The following GALNTL6 variants were observed in gnomAD, a reference collection of about 807,000 sequenced individuals.
GALNTL6 encodes polypeptide N-acetylgalactosaminyltransferase like 6, also known as polypeptide N-acetylgalactosaminyltransferase-like 6.
A neutral mutation model predicts 73.7 loss-of-function variants in GALNTL6; 46 were observed. The observed-to-expected ratio is 0.62, with a 90% CI of 0.49 to 0.80. The LOEUF is 0.80. GALNTL6 is among the 30% of genes least tolerant of loss of function. GALNTL6 has a pLI of 0.00. For missense variants in GALNTL6, 604 were observed against 755.0 expected (o/e 0.80, Z 2.34); for synonymous variants, 259 against 263.7 (o/e 0.98, Z 0.17).
At position 172,449,032 on chromosome 4, in the gene GALNTL6, G is replaced by A. The variant is rs879873442; in HGVS notation, c.553+100343G>A. On this transcript the variant is annotated intron_variant, in intron 5 of 12. Coordinates refer to ENST00000506823, the MANE Select transcript of GALNTL6 (RefSeq NM_001034845.3). Reference sequence around the variant, plus strand: ...AACTTTACCTTTTATGGAGAATATGGATACAAGCTGAAGGAAGCCACACTA... The same window carrying A: ...AACTTTACCTTTTATGGAGAATATGAATACAAGCTGAAGGAAGCCACACTA... Among the ~76,000 whole-genome samples, 38 of 152,130 alleles carry A rather than the reference G, an allele frequency of 2.5e-4. 1 individual carries two copies. The highest frequency in any genetic ancestry group is 4.9e-4 in the Non-Finnish European group (33 of 68,018).
intron 2 of GALNTL6, among the ~76,000 whole-genome samples, chr4:172,179,776 T>G (rs1321321267): frequency 6.6e-6 from 1 of 152,058 alleles, no homozygotes; most frequent in Non-Finnish European, 1.5e-5. Context: ...CTTCTAGGGT[T>G]TTTATGGTTT....
intron 5 of GALNTL6, among the ~76,000 whole-genome samples, chr4:172,730,527 T>C (rs1736082207): frequency 6.6e-6 from 1 of 152,246 alleles, no homozygotes; most frequent in Non-Finnish European, 1.5e-5. Context: ...ATGTAACACA[T>C]TTATTAATTT....
intron 5 of GALNTL6, among the ~76,000 whole-genome samples, chr4:172,692,570 T>C (rs1368673138): frequency 6.6e-6 from 1 of 152,176 alleles, no homozygotes; most frequent in Non-Finnish European, 1.5e-5. Flanking sequence ...GAATTTCTTG[T>C]GTTATAAGTC....
intron 8 of GALNTL6, among the ~76,000 whole-genome samples, chr4:172,906,237 A>G (rs1746885577): frequency 6.6e-6 from 1 of 150,610 alleles, no homozygotes; most frequent in Non-Finnish European, 1.5e-5. Flanking sequence ...AGTGGCCATT[A>G]AAAAAAAACA....
At chr4:172,330,187 T>C (rs1458515837) in intron 4 of GALNTL6, among the ~76,000 whole-genome samples, 10 of 152,218 alleles carry the variant, frequency 6.6e-5, no homozygotes, top group Admixed American at 6.5e-4. Flanking sequence ...CAACCGCTTT[T>C]GCTGAGAAGC....
chr4:172,714,852 T>C (rs2111336964), intron 5 of GALNTL6, among the ~76,000 whole-genome samples: 1 of 152,312 alleles, frequency 6.6e-6, no homozygotes, highest in African/African-American at 2.4e-5. Flanking sequence ...TTGCCACTCA[T>C]GCATTTTAAC....
intron 5 of GALNTL6, among the ~76,000 whole-genome samples, chr4:172,682,982 C>T (rs1414174103): frequency 1.3e-5 from 2 of 152,078 alleles, no homozygotes; most frequent in Non-Finnish European, 2.9e-5. Flanking sequence ...GAAAGGTATG[C>T]CTAAGCCATT....
chr4:172,555,846 T>C, intron 5 of GALNTL6, among the ~76,000 whole-genome samples: 1 of 151,984 alleles, frequency 6.6e-6, no homozygotes, highest in Admixed American at 6.6e-5. Flanking sequence ...TTGAAATGAG[T>C]AAAAAATATG....
intron 7 of GALNTL6, among the ~76,000 whole-genome samples, chr4:172,829,277 G>A (rs1742491871): frequency 6.6e-6 from 1 of 152,206 alleles, no homozygotes; most frequent in South Asian, 2.1e-4. Flanking sequence ...CCTGTTCCTG[G>A]CTGGAACTTC....
chr4:172,208,228 A>G (rs1240957039), intron 2 of GALNTL6, among the ~76,000 whole-genome samples: 1 of 152,188 alleles, frequency 6.6e-6, no homozygotes, highest in Non-Finnish European at 1.5e-5. Context: ...GTTTAAAGTT[A>G]TTGAAAGCAT....
chr4:173,038,108 T>C (rs1260072866), intron 12 of GALNTL6, among the ~76,000 whole-genome samples: 1 of 152,224 alleles, frequency 6.6e-6, no homozygotes, highest in Non-Finnish European at 1.5e-5. Context: ...GGGCAAGAAG[T>C]GCATGTGTAT....
intron 5 of GALNTL6, among the ~76,000 whole-genome samples, chr4:172,436,003 G>A (rs1731620787): frequency 2.6e-5 from 1 of 38,348 alleles, no homozygotes; most frequent in South Asian, 1.0e-3. Flanking sequence ...CAATACCTTA[G>A]CATCACACTC....
intron 5 of GALNTL6, among the ~76,000 whole-genome samples, chr4:172,599,876 GC>G (rs1737991371): frequency 6.6e-6 from 1 of 151,992 alleles, no homozygotes; most frequent in Non-Finnish European, 1.5e-5. Context: ...CATCCAGATT[GC>G]CAGCTGATGA....
chr4:171,822,800 G>A (rs1734720346), intron 2 of GALNTL6, among the ~76,000 whole-genome samples: 1 of 152,144 alleles, frequency 6.6e-6, no homozygotes, highest in African/African-American at 2.4e-5. Context: ...AAAGGCATAT[G>A]TACACTTTAA....
intron 2 of GALNTL6, among the ~76,000 whole-genome samples, chr4:172,087,693 A>AT (rs1002612064): frequency 7.3e-5 from 11 of 151,256 alleles, no homozygotes; most frequent in South Asian, 2.1e-4. Context: ...TGTATACTTG[A>AT]TTTTTTTTAC....
chr4:171,868,459 C>T (rs1578925544), intron 2 of GALNTL6, among the ~76,000 whole-genome samples: 1 of 152,198 alleles, frequency 6.6e-6, no homozygotes, highest in East Asian at 1.9e-4. Flanking sequence ...CTCTTCTCTT[C>T]TCCTGACCCT....
In GALNTL6 at chr4:172,003,030, G is replaced by A. The variant is rs116237608; in HGVS notation, c.138+188312G>A. On this transcript the variant is annotated intron_variant, in intron 2 of 12. Coordinates refer to ENST00000506823, the MANE Select transcript of GALNTL6 (RefSeq NM_001034845.3). ...TCAATTATCGATTAAGGGAGTAAAG[G>A]TGGTAAGAAGAGGTGGTATTGTACT... Among the ~76,000 whole-genome samples the A allele has an allele frequency of 1.7e-3, 258 of 152,206 alleles. 1 individual carries two copies. Among genetic ancestry groups the A allele is most frequent in the African/African-American group, 5.9e-3 (244 of 41,558 alleles).
At chr4:172,728,329 G>A (rs1735946543) in intron 5 of GALNTL6, among the ~76,000 whole-genome samples, 1 of 152,058 alleles carries the variant, frequency 6.6e-6, no homozygotes. Context: ...ATCTTCATGA[G>A]ATCCACTTTT....
chr4:172,582,734 TCA>T lies in GALNTL6; in HGVS notation c.554-226616_554-226615del, dbSNP rs752708242. Among the ~76,000 whole-genome samples, 997 of 138,576 alleles carry T rather than the reference TCA, an allele frequency of 7.2e-3. 11 individuals are homozygous for T. The highest frequency in any genetic ancestry group is 8.6e-3 in the Admixed American group (120 of 13,896). 90.9% of individuals were successfully genotyped at this position (138,576 alleles called of 152,430 possible). A position where few individuals can be genotyped will look rare whatever the true frequency, so the allele number is the denominator to read the frequency against. On this transcript the variant is annotated intron_variant, in intron 5 of 12. Coordinates refer to ENST00000506823, the MANE Select transcript of GALNTL6 (RefSeq NM_001034845.3). ...GAGAATTCCAGTACTCATTGGGAAA[TCA>T]CACACACACAGACACACACACACAC...
Sources: gnomAD v4.1 joint callset for allele counts (sites outside exome capture counted in the v4.1 genomes callset) on GRCh38, gnomAD v4.1.1 for gene constraint, MANE v1.5 for transcripts, NCBI Gene and HGNC (gene_info 2026-07-23, HGNC 2026-07-21) for gene names.